Variants in CELSR2 observed in about 807,000 individuals in gnomAD.
The protein encoded by CELSR2 is EGF-like protein 2.
Under a neutral mutation model 251.6 loss-of-function variants are expected in CELSR2, and 81 were observed. That is an observed-to-expected ratio of 0.32 (90% confidence interval 0.27 to 0.39). CELSR2 has a LOEUF of 0.39. Ranked by LOEUF, CELSR2 falls within the 10% of genes least tolerant of loss-of-function variation. CELSR2 has a pLI of 1.00. For missense variants in CELSR2, 3,365 were observed against 3,947.7 expected, an observed-to-expected ratio of 0.85 and a Z score of 3.96; for synonymous variants, 1,721 against 1,670.5, an observed-to-expected ratio of 1.03 and a Z score of -0.74.
chr1:109,263,065 CCT>C, intron 7 of CELSR2, 75 bp from the exon 8 acceptor site: 3 of 1,579,882 alleles, frequency 1.9e-6, no homozygotes, highest in Non-Finnish European at 2.6e-6. Flanking sequence ...GTCTCAGAGG[CCT>C]CTCTAACTGC....
chr1:109,260,524 C>T (rs767377183), intron 2 of CELSR2, among the ~76,000 whole-genome samples: 4 of 152,154 alleles, frequency 2.6e-5, no homozygotes, highest in African/African-American at 4.8e-5. Flanking sequence ...TGGTCCCATC[C>T]CCAGGGAGGG....
intron 15 of CELSR2, among the ~76,000 whole-genome samples, chr1:109,266,891 T>A (rs1409720488): frequency 2.0e-5 from 3 of 150,124 alleles, no homozygotes; most frequent in Non-Finnish European, 1.5e-5. Flanking sequence ...AGCTAATTTT[T>A]TATATTTTTT....
At position 109,266,169 on chromosome 1, in the gene CELSR2, G is replaced by A. The variant is rs1477834876; in HGVS notation, c.5976G>A (p.Gly1992=). The A allele has an allele frequency of 6.2e-7, 1 of 1,614,098 alleles. No individual in the cohort carries two copies. Among genetic ancestry groups the A allele is most frequent in the South Asian group, 1.1e-5 (1 of 91,088 alleles). Residue 1992 remains glycine (G), a synonymous_variant, in exon 15 of 34, where the codon GGG becomes GGA. Coordinates refer to ENST00000271332, the MANE Select transcript of CELSR2 (RefSeq NM_001408.3). ...AGIWWPRTRF[G]LPAAAPCPKG... Reference sequence around the variant, plus strand: ...TCTGGTGGCCCCGTACCCGCTTCGGGCTGCCTGCTGCTGCTCCCTGTCCCA... The same window carrying A: ...TCTGGTGGCCCCGTACCCGCTTCGGACTGCCTGCTGCTGCTCCCTGTCCCA...
Position 109,262,337 on chromosome 1 carries a change from G to A in CELSR2, c.4437G>A (p.Val1479=), listed in dbSNP as rs151032836. ...CACAGGGCCCATCAGAGCAGAAGGT[G>A]GCTGTGGTGACCGTGGATGGCTGTG... is the stretch of plus-strand genomic sequence containing the variant. ...GLPQGPSEQK[V]AVVTVDGCDT... The change falls in exon 6 of 34, where the codon GTG becomes GTA. Residue 1479 remains valine, a synonymous_variant. Transcript: ENST00000271332. The A allele has an allele frequency of 3.8e-4, 610 of 1,614,070 alleles. No homozygotes were observed. The highest frequency in any genetic ancestry group is 5.0e-4 in the Non-Finnish European group (591 of 1,180,042).
Position 109,274,189 on chromosome 1 carries a change from T to C in CELSR2, c.*140T>C. The C allele has an allele frequency of 6.3e-7, 1 of 1,578,288 alleles. No homozygotes were observed. Among genetic ancestry groups the C allele is most frequent in the Non-Finnish European group, 8.6e-7 (1 of 1,165,676 alleles). On this transcript the variant is annotated 3_prime_UTR_variant, in exon 34 of 34. Transcript: ENST00000271332. ...CGACGAAACGTCCATCTGAGGAGCC[T>C]GGGCCTTGCCGGGAGGGGTACTCAC...
In CELSR2 at chr1:109,269,186, G is replaced by T; in HGVS notation, c.6708G>T (p.Arg2236=). The T allele has an allele frequency of 6.2e-7, 1 of 1,612,382 alleles. No homozygotes were observed. The highest frequency in any genetic ancestry group is 2.2e-5 in the East Asian group (1 of 44,874). The change falls in exon 20 of 34, where the codon CGG becomes CGT. Residue 2236 remains arginine, a synonymous_variant. Coordinates refer to ENST00000271332, the MANE Select transcript of CELSR2 (RefSeq NM_001408.3). The surrounding 1 kb of genome is among the most constrained non-coding windows in gnomAD (Gnocchi z 6.4). Reference sequence around the variant, plus strand: ...AGGAGCTGGCACGGCGACAGCGACGGCACCCGGAGCTGAGCCAGGGTGAGG... The same window carrying T: ...AGGAGCTGGCACGGCGACAGCGACGTCACCCGGAGCTGAGCCAGGGTGAGG... ...EPEELARRQR[R]HPELSQGEAV...
In CELSR2 at chr1:109,262,849, G is replaced by C. The variant is rs1250445139; in HGVS notation, c.4588G>C (p.Asp1530His). The C allele has an allele frequency of 6.2e-7, 1 of 1,613,716 alleles. No individual in the cohort carries two copies. The highest frequency in any genetic ancestry group is 8.5e-7 in the Non-Finnish European group (1 of 1,180,002). Reference sequence around the variant, plus strand: ...GCCCCTGCTACTAGGCGGGGTGCCTGACCTGCCCGAGAGCTTCCCAGTCCG... The same window carrying C: ...GCCCCTGCTACTAGGCGGGGTGCCTCACCTGCCCGAGAGCTTCCCAGTCCG... ...TGPLLLGGVPDLPESFPVRMR... is the reference protein window; with the variant it reads ...TGPLLLGGVPHLPESFPVRMR... The change falls in exon 7 of 34, where the codon GAC becomes CAC. Residue 1530 changes from aspartate to histidine, a missense_variant. This residue lies in a region of CELSR2 where 2,093 missense variants were observed against 2,382.8 expected (regional missense o/e 0.88). Coordinates refer to ENST00000271332, the MANE Select transcript of CELSR2 (RefSeq NM_001408.3).
Position 109,273,569 on chromosome 1 carries a change from C to T in CELSR2, c.8643C>T (p.Arg2881=). 6.4e-7 allele frequency: 1 copy of T among 1,564,872 alleles called. No individual in the cohort carries two copies. The highest frequency in any genetic ancestry group is 8.7e-7 in the Non-Finnish European group (1 of 1,155,262). ...GCAGCCGGGGAGGCCCCCCTCCCCG[C>T]CCACCGCCCCGGCAGAGCCTCCAGG... ...SEGSRGGPPP[R]PPPRQSLQEQ... is the part of the protein sequence containing the mutation. Residue 2881 remains arginine (R), a synonymous_variant, in exon 33 of 34, where the codon CGC becomes CGT. Coordinates refer to ENST00000271332, the MANE Select transcript of CELSR2 (RefSeq NM_001408.3).
At position 109,251,390 on chromosome 1, in the gene CELSR2, C is replaced by T; in HGVS notation, c.1311C>T (p.Ser437=). ...GGAGCAATGCCGTGGTGCACTATAGCATCATGAGTGGCAATGCTCGGGGAC... is the reference window on the plus strand; with the variant it reads ...GGAGCAATGCCGTGGTGCACTATAGTATCATGAGTGGCAATGCTCGGGGAC... ...DKGSNAVVHY[S]IMSGNARGQF... Residue 437 remains serine, a synonymous_variant, in exon 1 of 34, where the codon AGC becomes AGT. Coordinates refer to ENST00000271332, the MANE Select transcript of CELSR2 (RefSeq NM_001408.3). This position sits in a 1 kb window ranked among gnomAD's most constrained non-coding sequence, Gnocchi z 4.9. 6.2e-7 allele frequency: 1 copy of T among 1,614,060 alleles called. No homozygotes were observed. The highest frequency in any genetic ancestry group is 8.5e-7 in the Non-Finnish European group (1 of 1,180,040).
At position 109,265,198 on chromosome 1, in the gene CELSR2, C is replaced by G. The variant is rs1656152624; in HGVS notation, c.5614C>G (p.Gln1872Glu). 1 of 1,601,226 alleles carries G rather than the reference C, an allele frequency of 6.2e-7. No individual in the cohort carries two copies. Among genetic ancestry groups the G allele is most frequent in the South Asian group, 1.1e-5 (1 of 88,762 alleles). ...LGPYCETRID[Q>E]PCPRGWWGHP... ...CTGGGTCCCTCTCTGCAGGATTGAC[C>G]AGCCTTGTCCCCGTGGCTGGTGGGG... Residue 1872 changes from glutamine (Q) to glutamate (E), a missense_variant, in exon 13 of 34, where the codon CAG (glutamine) becomes GAG (glutamate). This residue lies in a region of CELSR2 where 2,093 missense variants were observed against 2,382.8 expected (regional missense o/e 0.88). Transcript: ENST00000271332.
At position 109,269,270 on chromosome 1, in the gene CELSR2, C is replaced by A. The variant is rs773220966; in HGVS notation, c.6792C>A (p.Asp2264Glu). Residue 2264 changes from aspartate (D) to glutamate (E), a missense_variant, in exon 20 of 34, where the codon GAC becomes GAA. Physicochemically the swap from Asp to Glu is conservative, Grantham distance 45. Around this residue, in one of 5 missense-constraint regions of CELSR2, gnomAD observed 2,093 missense variants for 2,382.8 expected, o/e 0.88. Transcript: ENST00000271332. The surrounding 1 kb of genome is among the most constrained non-coding windows in gnomAD (Gnocchi z 6.4). ...TLAGLLPHNYDPDKRSLRVPK... is the reference protein window; with the variant it reads ...TLAGLLPHNYEPDKRSLRVPK... Reference sequence around the variant, plus strand: ...CCGGGCTACTGCCTCATAACTATGACCCTGACAAGCGCAGCTTGAGGTCAG... The same window carrying A: ...CCGGGCTACTGCCTCATAACTATGAACCTGACAAGCGCAGCTTGAGGTCAG... The A allele has an allele frequency of 3.8e-5, 62 of 1,613,218 alleles. No individual in the cohort carries two copies. Among genetic ancestry groups the A allele is most frequent in the Non-Finnish European group, 5.0e-5 (59 of 1,180,000 alleles).
In CELSR2 at chr1:109,263,179, T is replaced by G. The variant is rs1656071616; in HGVS notation, c.4746T>G (p.Thr1582=). ...PAKKNVCDSN[T]CHNGGTCVNQ... ...AGAAGAACGTGTGTGACAGCAACACTTGCCACAATGGGGGCACTTGCGTGA... is the reference window on the plus strand; with the variant it reads ...AGAAGAACGTGTGTGACAGCAACACGTGCCACAATGGGGGCACTTGCGTGA... Residue 1582 remains threonine (T), a synonymous_variant, in exon 8 of 34, where the codon ACT becomes ACG. Coordinates refer to ENST00000271332, the MANE Select transcript of CELSR2 (RefSeq NM_001408.3). 6.2e-7 allele frequency: 1 copy of G among 1,601,030 alleles called. No homozygotes were observed. Among genetic ancestry groups the G allele is most frequent in the Non-Finnish European group, 8.6e-7 (1 of 1,169,396 alleles).
chr1:109,270,696 A>G (rs1266193169), intron 24 of CELSR2, 96 bp downstream of exon 24: 1 of 1,456,642 alleles, frequency 6.9e-7, no homozygotes, highest in Non-Finnish European at 9.3e-7. Flanking sequence ...GAGGCCCCAC[A>G]TCCCCATGCC....
intron 1 of CELSR2, among the ~76,000 whole-genome samples, chr1:109,254,082 G>A (rs1431357076): frequency 6.6e-6 from 1 of 152,204 alleles, no homozygotes; most frequent in Admixed American, 6.5e-5. Context: ...CCGTGGTTCG[G>A]GTCTGGCTTG....
chr1:109,273,068 A>AG, intron 31 of CELSR2, 41 bp downstream of exon 31: 1 of 1,596,200 alleles, frequency 6.3e-7, no homozygotes. Flanking sequence ...GGCCAGTGGG[A>AG]GGACAGTGGG....
Position 109,274,225 on chromosome 1 carries a change from G to T in CELSR2, c.*176G>T. The T allele has an allele frequency of 6.9e-7, 1 of 1,455,646 alleles. No individual in the cohort carries two copies. Among genetic ancestry groups the T allele is most frequent in the Non-Finnish European group, 9.1e-7 (1 of 1,099,116 alleles). The allele number at this position is 1,455,646 out of a possible 1,614,324, so 90.2% of individuals were successfully genotyped here. On this transcript the variant is annotated 3_prime_UTR_variant, in exon 34 of 34. Transcript: ENST00000271332. ...GGGAGGGGTACTCACCCCACCTAAG[G>T]CCATCTAGTGCCAACTCCCCCCCCA...
At chr1:109,256,261 G>A (rs1655843026) in intron 1 of CELSR2, among the ~76,000 whole-genome samples, 1 of 152,200 alleles carries the variant, frequency 6.6e-6, no homozygotes, top group Non-Finnish European at 1.5e-5. Context: ...AGAAGACTCA[G>A]AGGACTGTGG....
chr1:109,273,873 C>G, intron 33 of CELSR2, 149 bp from the exon 34 acceptor site: 4 of 1,214,092 alleles, frequency 3.3e-6, no homozygotes, highest in East Asian at 4.6e-5. Context: ...CTCTACGCGG[C>G]GCAGCCCAGC....
rs772267417 is a variant in CELSR2 at position 109,261,084 on chromosome 1, C to A, written c.4001C>A (p.Pro1334Gln). The change falls in exon 3 of 34, where the codon CCG (proline) becomes CAG (glutamine). Residue 1334 changes from proline to glutamine, a missense_variant. Pro to Gln is a moderately conservative substitution (Grantham distance 76). Coordinates refer to ENST00000271332, the MANE Select transcript of CELSR2 (RefSeq NM_001408.3). This position sits in a 1 kb window ranked among gnomAD's most constrained non-coding sequence, Gnocchi z 4.8. ...AGTGCTCGCTCAGGCCGTTGCACCC[C>A]GGGTGTCTGCAAGAATGGGGGCACC... is the stretch of plus-strand genomic sequence containing the variant. ...EVSARSGRCT[P>Q]GVCKNGGTCV... The A allele has an allele frequency of 6.2e-7, 1 of 1,613,852 alleles. No individual in the cohort carries two copies. Among genetic ancestry groups the A allele is most frequent in the Non-Finnish European group, 8.5e-7 (1 of 1,179,944 alleles).
Sources: gnomAD v4.1 joint callset for allele counts (sites outside exome capture counted in the v4.1 genomes callset) on GRCh38, gnomAD v4.1.1 for gene constraint, gnomAD v4.1.1 regional missense constraint, Gnocchi (gnomAD v3.1) non-coding constraint, MANE v1.5 for transcripts, NCBI Gene and HGNC (gene_info 2026-07-23, HGNC 2026-07-21) for gene names.